DNAH10: variants seen among roughly 807,000 people sequenced by gnomAD.
DNAH10 encodes dynein axonemal heavy chain 10.
Under a neutral mutation model 506.6 loss-of-function variants are expected in DNAH10, and 348 were observed. That is an observed-to-expected ratio of 0.69 (90% CI 0.63 to 0.75). The LOEUF is 0.75. DNAH10 is among the 30% of genes least tolerant of loss of function. The probability of loss-of-function intolerance (pLI) is 0.00; values close to 1 mark genes in which losing one functional copy is unlikely to be tolerated. For missense variants in DNAH10, 5,179 were observed against 5,787.1 expected (o/e 0.89, Z 3.41); for synonymous variants, 2,059 against 2,198.6 (o/e 0.94, Z 1.78).
intron 5 of DNAH10, among the ~76,000 whole-genome samples, chr12:123,778,597 G>T (rs1330543622): frequency 1.3e-5 from 2 of 151,736 alleles, no homozygotes; most frequent in African/African-American, 2.4e-5. Flanking sequence ...TTGGGAGGCT[G>T]AGGGAGGAGA....
In DNAH10 at chr12:123,929,368, G is replaced by A; in HGVS notation, c.12400G>A (p.Ala4134Thr). 1 of 1,611,830 alleles carries A rather than the reference G, an allele frequency of 6.2e-7. No individual in the cohort carries two copies. The highest frequency in any genetic ancestry group is 8.5e-7 in the Non-Finnish European group (1 of 1,179,014). Reference protein sequence around the residue: ...HEMLDQCPHPAFKPLVYVLAF... With the variant: ...HEMLDQCPHPTFKPLVYVLAF... Reference sequence around the variant, plus strand: ...AATGCTGGACCAGTGCCCGCACCCTGCCTTCAAGCCGCTGGTCTACGTGCT... The same window carrying A: ...AATGCTGGACCAGTGCCCGCACCCTACCTTCAAGCCGCTGGTCTACGTGCT... Residue 4134 changes from alanine to threonine, a missense_variant, in exon 71 of 79, where the codon GCC becomes ACC. Physicochemically the swap from Ala to Thr is moderately conservative, Grantham distance 58 (BLOSUM62 0). Around this residue, in one of 3 missense-constraint regions of DNAH10, gnomAD observed 4,844 missense variants for 5,430.5 expected, o/e 0.89. Transcript: ENST00000673944.
intron 65 of DNAH10, among the ~76,000 whole-genome samples, chr12:123,922,596 G>A (rs1285595086): frequency 6.6e-6 from 1 of 152,134 alleles, no homozygotes; most frequent in African/African-American, 2.4e-5. Flanking sequence ...CCACCGACTG[G>A]GTGGCTTAAG....
chr12:123,786,840 A>G (rs1026937933), intron 9 of DNAH10, among the ~76,000 whole-genome samples: 2 of 152,118 alleles, frequency 1.3e-5, no homozygotes, highest in Non-Finnish European at 2.9e-5. Flanking sequence ...TTCTTAAAAA[A>G]TATCTATATA....
rs1323719767 is a variant in DNAH10, at chr12:123,841,417, G to A, written c.5232G>A (p.Glu1744=). ...AMISAEGEVM[E]FRKILRAEGR... The stretch of plus-strand genomic sequence containing the variant: ...TTTCAGCAGAAGGAGAAGTCATGGA[G>A]TTTCGGAAGATCTTGCGGGCTGAAG... Residue 1744 remains glutamate, a synonymous_variant, in exon 30 of 79, where the codon GAG becomes GAA. Transcript: ENST00000673944. 1 of 1,614,038 alleles carries A rather than the reference G, an allele frequency of 6.2e-7. No individual in the cohort carries two copies. The highest frequency in any genetic ancestry group is 1.7e-5 in the Admixed American group (1 of 60,026).
At chr12:123,809,651 AAACAAC>A (rs146942558) in intron 19 of DNAH10, among the ~76,000 whole-genome samples, 15 of 150,876 alleles carry the variant, frequency 9.9e-5, no homozygotes, top group Non-Finnish European at 1.6e-4. Flanking sequence ...CGTGTCTCTA[AAACAAC>A]AACAACAACA....
At chr12:123,892,165 T>C (rs1953012049) in intron 52 of DNAH10, among the ~76,000 whole-genome samples, 1 of 152,228 alleles carries the variant, frequency 6.6e-6, no homozygotes, top group African/African-American at 2.4e-5. Flanking sequence ...AGAAATACCT[T>C]AGACTGGTTT....
intron 18 of DNAH10, among the ~76,000 whole-genome samples, chr12:123,806,233 G>T (rs1958669908): frequency 6.6e-6 from 1 of 152,220 alleles, no homozygotes; most frequent in Non-Finnish European, 1.5e-5. Flanking sequence ...TGCAGCAAGT[G>T]TGTAGGTATC....
At chr12:123,924,652 A>G (rs1264988254) in intron 67 of DNAH10, among the ~76,000 whole-genome samples, 2 of 150,228 alleles carry the variant, frequency 1.3e-5, no homozygotes, top group African/African-American at 2.5e-5. Flanking sequence ...CCATCCATCC[A>G]TCCACCTACC....
rs1953818701 is a variant in DNAH10 at position 123,907,099 on chromosome 12, GAC to G, written c.9816-2159_9816-2158del. Among the ~76,000 whole-genome samples, 2 of 152,246 alleles carry G rather than the reference GAC, an allele frequency of 1.3e-5. No homozygotes were observed. The highest frequency in any genetic ancestry group is 2.4e-5 in the African/African-American group (1 of 41,470). ...GGCAGGGTCTTCACTGCGTGGCGCT[GAC>G]ACTCTGTTTTCCTATAGGAATCCCA... On this transcript the variant is annotated intron_variant, in intron 57 of 78. Coordinates refer to ENST00000673944, the MANE Select transcript of DNAH10 (RefSeq NM_001372106.1). This position sits in a 1 kb window ranked among gnomAD's most constrained non-coding sequence, Gnocchi z 4.4.
intron 21 of DNAH10, among the ~76,000 whole-genome samples, chr12:123,815,420 G>C (rs1387532290): frequency 6.6e-6 from 1 of 152,048 alleles, no homozygotes; most frequent in Non-Finnish European, 1.5e-5. Flanking sequence ...TTTATCCACA[G>C]ATTATTTTGG....
At chr12:123,893,705 A>C (rs1025840069) in intron 53 of DNAH10, among the ~76,000 whole-genome samples, 1 of 151,954 alleles carries the variant, frequency 6.6e-6, no homozygotes, top group African/African-American at 2.4e-5. Context: ...GCTTCCTTCC[A>C]TTTGGGAAAA....
At chr12:123,858,005 A>G (rs1378727635) in intron 37 of DNAH10, among the ~76,000 whole-genome samples, 1 of 152,134 alleles carries the variant, frequency 6.6e-6, no homozygotes, top group African/African-American at 2.4e-5. Context: ...AGTGTTTTCA[A>G]CATTTATCCA....
intron 56 of DNAH10, among the ~76,000 whole-genome samples, chr12:123,899,552 T>G (rs1953422396): frequency 6.6e-6 from 1 of 152,212 alleles, no homozygotes; most frequent in South Asian, 2.1e-4. Context: ...GTCATCACTC[T>G]GGCAACAGCA....
rs935401768 is a variant in DNAH10 at position 123,816,810 on chromosome 12, C to T, written c.3781-2140C>T. On this transcript the variant is annotated intron_variant, in intron 21 of 78. Coordinates refer to ENST00000673944, the MANE Select transcript of DNAH10 (RefSeq NM_001372106.1). The stretch of plus-strand genomic sequence containing the variant: ...CATTTCTATTGAGTATAGGCCTAGA[C>T]GTGAAGTTGCTGGGTTACAGGAATC... Among the ~76,000 whole-genome samples the T allele has an allele frequency of 2.6e-5, 4 of 152,156 alleles. No homozygotes were observed. In the East Asian group the frequency reaches 5.8e-4, roughly 22 times the overall value.
chr12:123,765,798 T>TCTGTCTACCTAC (rs1566306834), intron 1 of DNAH10, among the ~76,000 whole-genome samples: 1 of 151,040 alleles, frequency 6.6e-6, no homozygotes, highest in African/African-American at 2.5e-5. Flanking sequence ...TGTCTATACA[T>TCTGTCTACCTAC]CTATCTACCT....
chr12:123,851,600 A>T (rs1253652280), intron 35 of DNAH10, among the ~76,000 whole-genome samples: 1 of 152,220 alleles, frequency 6.6e-6, no homozygotes. Context: ...CCATTGCCCA[A>T]ACCAGGGAGT....
intron 50 of DNAH10, among the ~76,000 whole-genome samples, chr12:123,880,006 A>T (rs61231375): frequency 0.034 from 5,099 of 152,140 alleles, 253 homozygotes; most frequent in African/African-American, 0.11. Flanking sequence ...TCCTGGGGCC[A>T]CCCCGTGAGA....
chr12:123,865,244 T>A (rs1304912652), intron 40 of DNAH10, among the ~76,000 whole-genome samples: 1 of 146,380 alleles, frequency 6.8e-6, no homozygotes, highest in African/African-American at 2.5e-5. Context: ...CTCACACTAT[T>A]TGCCTTTATT....
chr12:123,829,762 C>T (rs892686256), intron 25 of DNAH10, among the ~76,000 whole-genome samples: 2 of 152,128 alleles, frequency 1.3e-5, no homozygotes, highest in South Asian at 2.1e-4. Flanking sequence ...TTGCTGCTCA[C>T]GTGCTGGGTA....
Sources: allele counts gnomAD v4.1 joint callset (sites outside exome capture counted in the v4.1 genomes callset), GRCh38; gene constraint gnomAD v4.1.1; regional missense constraint gnomAD v4.1.1; non-coding constraint Gnocchi (gnomAD v3.1); transcripts MANE v1.5; gene names NCBI Gene and HGNC (gene_info 2026-07-23, HGNC 2026-07-21).